SESTD1: variants seen among roughly 807,000 people sequenced by gnomAD.
SESTD1 encodes SEC14 and spectrin domain containing 1, also known as SEC14 domain and spectrin repeat-containing protein 1.
In SESTD1, 43 loss-of-function variants were observed where a neutral mutation model predicts 101.7. The observed-to-expected ratio is 0.42, with a 90% CI of 0.33 to 0.55. SESTD1 has a LOEUF of 0.55. SESTD1 is among the 20% of genes least tolerant of loss of function. SESTD1 has a pLI of 0.07. For missense variants in SESTD1, 647 were observed against 815.1 expected (o/e 0.79, Z 2.51); for synonymous variants, 283 against 286.8 (o/e 0.99, Z 0.13).
intron 3 of SESTD1, among the ~76,000 whole-genome samples, chr2:179,178,999 C>T (rs545050731): frequency 1.3e-5 from 2 of 152,098 alleles, no homozygotes; most frequent in African/African-American, 2.4e-5. Flanking sequence ...CTTAGAAACA[C>T]GCTTAACTCT....
In SESTD1 at chr2:179,102,049, T is replaced by C. The variant is rs370690841; in HGVS notation, c.*7850A>G. On this transcript the variant is annotated 3_prime_UTR_variant, in exon 18 of 18. Coordinates refer to ENST00000428443, the MANE Select transcript of SESTD1 (RefSeq NM_178123.5). Reference sequence around the variant, plus strand: ...AAATACAGCTTTGTTGTAATATGCCTCCTCCATCCCTAAATACACATTCAC... The same window carrying C: ...AAATACAGCTTTGTTGTAATATGCCCCCTCCATCCCTAAATACACATTCAC... 14 of 152,238 alleles carry C rather than the reference T, an allele frequency of 9.2e-5. No homozygotes were observed. The highest frequency in any genetic ancestry group is 3.4e-4 in the African/African-American group (14 of 41,546). 9.4% of individuals were successfully genotyped at this position (152,238 alleles called of 1,614,324 possible).
chr2:179,174,263 A>T (rs2045972608), intron 4 of SESTD1: 3 of 361,562 alleles, frequency 8.3e-6, no homozygotes, highest in Non-Finnish European at 1.7e-5. Flanking sequence ...GAATGACTTC[A>T]TATGTAGAAA....
chr2:179,114,325 T>C (rs1309891484), intron 16 of SESTD1, among the ~76,000 whole-genome samples: 5 of 152,144 alleles, frequency 3.3e-5, no homozygotes, highest in African/African-American at 1.2e-4. Context: ...GTTCCATGGA[T>C]CAAGTTAGGT....
At chr2:179,238,774 C>T (rs1022587590) in intron 1 of SESTD1, among the ~76,000 whole-genome samples, 2 of 152,060 alleles carry the variant, frequency 1.3e-5, no homozygotes, top group African/African-American at 4.8e-5. Context: ...AGAGGAAAGG[C>T]TTTGTTGTCA....
rs1187160265 is a variant in SESTD1 at position 179,107,149 on chromosome 2, A to G, written c.*2750T>C. 1 of 152,156 alleles carries G rather than the reference A, an allele frequency of 6.6e-6. No individual in the cohort carries two copies. The highest frequency in any genetic ancestry group is 6.6e-5 in the Admixed American group (1 of 15,266). 9.4% of individuals were successfully genotyped at this position (152,156 alleles called of 1,614,324 possible). ...AGAAACAGCTTGTGGTTTCAAACACACTGCAGTCACTTTTTTCACACGTTT... is the reference window on the plus strand; with the variant it reads ...AGAAACAGCTTGTGGTTTCAAACACGCTGCAGTCACTTTTTTCACACGTTT... On this transcript the variant is annotated 3_prime_UTR_variant, in exon 18 of 18. Coordinates refer to ENST00000428443, the MANE Select transcript of SESTD1 (RefSeq NM_178123.5).
intron 9 of SESTD1, among the ~76,000 whole-genome samples, chr2:179,137,974 T>C (rs746682515): frequency 2.6e-5 from 4 of 152,206 alleles, no homozygotes; most frequent in Non-Finnish European, 4.4e-5. Context: ...TAGTTCAATA[T>C]ATATTATCAT....
At chr2:179,196,259 A>C (rs938595200) in intron 1 of SESTD1, among the ~76,000 whole-genome samples, 5 of 152,194 alleles carry the variant, frequency 3.3e-5, no homozygotes, top group Admixed American at 6.5e-5. Context: ...GGGCTTAAAA[A>C]ACGGCGCACC....
intron 1 of SESTD1, among the ~76,000 whole-genome samples, chr2:179,256,611 G>C (rs1459253535): frequency 6.6e-6 from 1 of 152,064 alleles, no homozygotes; most frequent in African/African-American, 2.4e-5. Context: ...AGGAGATCGA[G>C]ACCAACCTGG....
At chr2:179,249,889 G>GC (rs556772535) in intron 1 of SESTD1, among the ~76,000 whole-genome samples, 1,600 of 103,800 alleles carry the variant, frequency 0.015, 27 homozygotes, top group African/African-American at 0.06. Context: ...ATATCCACAG[G>GC]CAAAAAAAAA....
chr2:179,235,357 T>C (rs2047051115), intron 1 of SESTD1, among the ~76,000 whole-genome samples: 1 of 152,308 alleles, frequency 6.6e-6, no homozygotes, highest in South Asian at 2.1e-4. Context: ...AAGTTAATAT[T>C]AGGAGAATGT....
intron 5 of SESTD1, among the ~76,000 whole-genome samples, chr2:179,166,568 G>A (rs1213093885): frequency 6.6e-6 from 1 of 152,134 alleles, no homozygotes; most frequent in African/African-American, 2.4e-5. Context: ...ACTAGGCTGA[G>A]GGACACAGAG....
In SESTD1 at chr2:179,172,247, A is replaced by C. The variant is rs1262435907; in HGVS notation, c.256-14T>G. 2 of 1,507,768 alleles carry C rather than the reference A, an allele frequency of 1.3e-6. No homozygotes were observed. The highest frequency in any genetic ancestry group is 1.4e-5 in the African/African-American group (1 of 72,312). 93.4% of individuals were successfully genotyped at this position (1,507,768 alleles called of 1,614,324 possible). ...TGGAACAACATTCTATAAAATACAG[A>C]AAAATAATTACAAATTACACATGTA... is the stretch of plus-strand genomic sequence containing the variant. On this transcript the variant is annotated splice_polypyrimidine_tract_variant and intron_variant, in intron 4 of 17. Transcript: ENST00000428443.
At chr2:179,251,090 A>G (rs2047310015) in intron 1 of SESTD1, among the ~76,000 whole-genome samples, 1 of 152,230 alleles carries the variant, frequency 6.6e-6, no homozygotes, top group African/African-American at 2.4e-5. Flanking sequence ...TCAGTAATTA[A>G]AAAGGAACTA....
intron 13 of SESTD1, among the ~76,000 whole-genome samples, chr2:179,118,560 A>T (rs2044684571): frequency 1.3e-5 from 2 of 151,948 alleles, no homozygotes; most frequent in African/African-American, 4.8e-5. Context: ...CTTTTTTTTA[A>T]AAAAAAATAA....
chr2:179,155,180 T>C (rs1406200325), intron 5 of SESTD1, among the ~76,000 whole-genome samples: 1 of 151,964 alleles, frequency 6.6e-6, no homozygotes, highest in African/African-American at 2.4e-5. Context: ...CCTCCTAAAG[T>C]GCTAGGATTA....
chr2:179,213,028 C>T (rs2046671710), intron 1 of SESTD1, among the ~76,000 whole-genome samples: 1 of 135,164 alleles, frequency 7.4e-6, no homozygotes, highest in Non-Finnish European at 1.6e-5. Context: ...GATAAAACCA[C>T]AAAGATGGGG....
rs202072498 is a variant in SESTD1, at chr2:179,115,133, T to C, written c.1771A>G (p.Thr591Ala). 11 of 1,613,578 alleles carry C rather than the reference T, an allele frequency of 6.8e-6. No individual in the cohort carries two copies. The East Asian group carries it at 1.1e-4, about 16-fold the overall frequency. Residue 591 changes from threonine to alanine, a missense_variant, in exon 16 of 18, where the codon ACA becomes GCA. Coordinates refer to ENST00000428443, the MANE Select transcript of SESTD1 (RefSeq NM_178123.5). ...TGTACTCTCTCTTCAGATGCTATTG[T>C]AAATTGTTTCCATACTCTGTTCAGT... ...PRLNRVWKQF[T>A]IASEERVHRL...
intron 7 of SESTD1, among the ~76,000 whole-genome samples, chr2:179,147,433 C>G (rs1202220096): frequency 6.6e-6 from 1 of 151,294 alleles, no homozygotes; most frequent in African/African-American, 2.4e-5. Context: ...GTGATCTCGA[C>G]TCACTACAAC....
intron 11 of SESTD1, 32 bp from the exon 12 acceptor site, chr2:179,123,861 T>G (rs776788420): frequency 2.0e-6 from 3 of 1,486,858 alleles, no homozygotes; most frequent in Non-Finnish European, 2.8e-6. Context: ...GAGATAACCC[T>G]GATGTAATCA....
Sources: gnomAD v4.1 joint callset for allele counts (sites outside exome capture counted in the v4.1 genomes callset) on GRCh38, gnomAD v4.1.1 for gene constraint, MANE v1.5 for transcripts, NCBI Gene and HGNC (gene_info 2026-07-23, HGNC 2026-07-21) for gene names.